TMEM161B: variants seen among roughly 807,000 people sequenced by gnomAD.
The protein encoded by TMEM161B is transmembrane protein 161B.
A neutral mutation model predicts 61.8 loss-of-function variants in TMEM161B; 34 were observed. The ratio of observed to expected loss-of-function variants is 0.55; its 90% CI spans 0.42 to 0.73. The LOEUF is 0.73. Ranked by LOEUF, TMEM161B falls within the 30% of genes least tolerant of loss-of-function variation. The pLI is 0.00. For synonymous variants in TMEM161B, 167 were observed against 192.8 expected (o/e 0.87, Z 1.11); for missense variants, 456 against 558.5 (o/e 0.82, Z 1.85).
chr5:88,196,675 T>A (rs907118637), intron 11 of TMEM161B, among the ~76,000 whole-genome samples, 187 bp from the exon 12 acceptor site: 1 of 152,038 alleles, frequency 6.6e-6, no homozygotes, highest in African/African-American at 2.4e-5. Flanking sequence ...CTAGAGACTA[T>A]CTGGCCTCAT....
At chr5:88,265,158 C>T (rs866899099) in intron 1 of TMEM161B, among the ~76,000 whole-genome samples, 2 of 152,084 alleles carry the variant, frequency 1.3e-5, no homozygotes, top group Non-Finnish European at 2.9e-5. Context: ...AAATTATCAG[C>T]GCAGAGAAGT....
chr5:88,203,773 AT>A lies in TMEM161B; in HGVS notation c.801-699del, dbSNP rs1744880278. Among the ~76,000 whole-genome samples the A allele has an allele frequency of 1.3e-3, 10 of 7,964 alleles. 1 individual carries two copies. Among genetic ancestry groups the A allele is most frequent in the South Asian group, 6.8e-3 (2 of 292 alleles). The allele number at this position is 7,964 out of a possible 152,430, so 5.2% of individuals were successfully genotyped here. ...ATCATATATATATATATATATATAT[AT>A]ATATATATATATATATATATATATA... is the stretch of plus-strand genomic sequence containing the variant. On this transcript the variant is annotated intron_variant, in intron 8 of 11. Coordinates refer to ENST00000296595, the MANE Select transcript of TMEM161B (RefSeq NM_153354.5).
At chr5:88,189,802 T>C (rs556322161) in exon 13 of TMEM161B, 2 of 439,254 alleles carry the variant, frequency 4.6e-6, no homozygotes, top group African/African-American at 3.9e-5. Flanking sequence ...GGGGTACATC[T>C]AATTTTAAAT....
At chr5:88,190,354 T>A, downstream of TMEM161B, 2 of 673,004 alleles carry the variant, frequency 3.0e-6, no homozygotes, top group Non-Finnish European at 5.4e-6. Flanking sequence ...TCCAAGTGAC[T>A]CCTGACCTAG....
At chr5:88,197,160 A>AT (rs1749791838) in intron 11 of TMEM161B, among the ~76,000 whole-genome samples, 1 of 152,146 alleles carries the variant, frequency 6.6e-6, no homozygotes, top group South Asian at 2.1e-4. Flanking sequence ...GATCAATGCA[A>AT]TAATAGACAC....
Position 88,225,872 on chromosome 5 carries a change from A to T in TMEM161B, c.192-6T>A. The T allele has an allele frequency of 6.3e-7, 1 of 1,579,550 alleles. No homozygotes were observed. The highest frequency in any genetic ancestry group is 8.6e-7 in the Non-Finnish European group (1 of 1,156,630). On this transcript the variant is annotated splice_polypyrimidine_tract_variant and splice_region_variant and intron_variant, in intron 3 of 11. Coordinates refer to ENST00000296595, the MANE Select transcript of TMEM161B (RefSeq NM_153354.5). ...CAATGTGACCATTATATTTCCTATA[A>T]AAATCAGACAAGTGACACAAAAAAC...
At chr5:88,208,886 C>A (rs1746124655) in intron 5 of TMEM161B, among the ~76,000 whole-genome samples, 1 of 152,022 alleles carries the variant, frequency 6.6e-6, no homozygotes, top group Non-Finnish European at 1.5e-5. Context: ...ACAGAACTGC[C>A]CTGACAGAAG....
intron 1 of TMEM161B, among the ~76,000 whole-genome samples, chr5:88,266,639 C>T (rs575800377): frequency 3.9e-5 from 6 of 152,304 alleles, no homozygotes; most frequent in African/African-American, 1.4e-4. Flanking sequence ...GGGGTCAATA[C>T]TAATGTTCTT....
chr5:88,256,070 G>C (rs1461897153), intron 1 of TMEM161B, among the ~76,000 whole-genome samples: 1 of 152,098 alleles, frequency 6.6e-6, no homozygotes, highest in Non-Finnish European at 1.5e-5. Context: ...CAACAACAAA[G>C]AGGGAAAGGA....
rs1753094849 is a variant in TMEM161B at position 88,243,546 on chromosome 5, G to T, written c.4-2630C>A. Among the ~76,000 whole-genome samples, 3 of 151,838 alleles carry T rather than the reference G, an allele frequency of 2.0e-5. No individual in the cohort carries two copies. The South Asian group carries it at 6.2e-4, about 31-fold the overall frequency. On this transcript the variant is annotated intron_variant, in intron 1 of 11. Coordinates refer to ENST00000296595, the MANE Select transcript of TMEM161B (RefSeq NM_153354.5). ...TGTCTTTGCTATTGTGAATAGTGCT[G>T]CAATGAACATACACATGCATGTGTG...
rs573471551 is a variant in TMEM161B at position 88,195,374 on chromosome 5, A to G, written c.*837T>C. 1.4e-6 allele frequency: 1 copy of G among 711,646 alleles called. No individual in the cohort carries two copies. Among genetic ancestry groups the G allele is most frequent in the South Asian group, 6.4e-5 (1 of 15,614 alleles). The allele number at this position is 711,646 out of a possible 1,614,324, so 44.1% of individuals were successfully genotyped here. A position where few individuals can be genotyped will look rare whatever the true frequency, so the allele number is the denominator to read the frequency against. On this transcript the variant is annotated 3_prime_UTR_variant, in exon 12 of 12. Coordinates refer to ENST00000296595, the MANE Select transcript of TMEM161B (RefSeq NM_153354.5). ...TCAATATATTATATATTTAATATAT[A>G]ATATATATACAATACATACAGGTAG...
At chr5:88,240,245 T>C (rs1006385114) in intron 2 of TMEM161B, among the ~76,000 whole-genome samples, 2 of 151,872 alleles carry the variant, frequency 1.3e-5, no homozygotes, top group Non-Finnish European at 2.9e-5. Flanking sequence ...TTCTTTGCAG[T>C]AAAACTATGA....
At chr5:88,231,136 T>A (rs895134877) in intron 2 of TMEM161B, among the ~76,000 whole-genome samples, 4 of 152,210 alleles carry the variant, frequency 2.6e-5, no homozygotes, top group Admixed American at 6.5e-5. Flanking sequence ...ATGGAAACTC[T>A]GCTCTTTCCC....
intron 5 of TMEM161B, among the ~76,000 whole-genome samples, 170 bp downstream of exon 5, chr5:88,220,393 G>A (rs536033429): frequency 1.3e-5 from 2 of 151,962 alleles, no homozygotes; most frequent in African/African-American, 4.8e-5. Context: ...CTTATATTTA[G>A]CTTTTTAAAT....
At chr5:88,247,343 C>T (rs936734893) in intron 1 of TMEM161B, among the ~76,000 whole-genome samples, 21 of 151,990 alleles carry the variant, frequency 1.4e-4, no homozygotes, top group Non-Finnish European at 2.1e-4. Context: ...ACTGTGTCAA[C>T]CTCAAGAGTT....
At chr5:88,239,397 C>T (rs948261937) in intron 2 of TMEM161B, among the ~76,000 whole-genome samples, 6 of 151,926 alleles carry the variant, frequency 3.9e-5, no homozygotes, top group Non-Finnish European at 7.4e-5. Flanking sequence ...TTTACTGAGA[C>T]CCTTTTTACT....
chr5:88,228,896 A>T (rs989966396), intron 2 of TMEM161B, among the ~76,000 whole-genome samples: 1 of 152,234 alleles, frequency 6.6e-6, no homozygotes, highest in African/African-American at 2.4e-5. Context: ...CCTCATTTGA[A>T]GGAATTGAGA....
At chr5:88,261,152 A>T (rs1408109469) in intron 1 of TMEM161B, among the ~76,000 whole-genome samples, 1 of 152,228 alleles carries the variant, frequency 6.6e-6, no homozygotes, top group Non-Finnish European at 1.5e-5. Context: ...GAAATTTGAA[A>T]TTAAAAATAC....
intron 2 of TMEM161B, among the ~76,000 whole-genome samples, chr5:88,232,247 G>T (rs1561378825): frequency 6.6e-6 from 1 of 152,124 alleles, no homozygotes; most frequent in Non-Finnish European, 1.5e-5. Flanking sequence ...CCAGGAACAT[G>T]CATGTATGGA....
Sources: allele counts gnomAD v4.1 joint callset (sites outside exome capture counted in the v4.1 genomes callset), GRCh38; gene constraint gnomAD v4.1.1; transcripts MANE v1.5; gene names NCBI Gene and HGNC (gene_info 2026-07-23, HGNC 2026-07-21).